STAG1: variants seen among roughly 807,000 people sequenced by gnomAD.
STAG1 encodes STAG1 cohesin complex component, also known as cohesin subunit SA-1.
STAG1 carries 26 observed loss-of-function variants against 170.9 expected under a neutral mutation model. The ratio of observed to expected loss-of-function variants is 0.15; its 90% CI spans 0.11 to 0.21. The LOEUF (loss-of-function observed/expected upper bound fraction) is 0.21. Among genes scored for constraint, STAG1 ranks in the 10% least tolerant of loss-of-function variants. STAG1 has a pLI of 1.00. For missense variants in STAG1, 964 were observed against 1,509.5 expected (o/e 0.64, Z 5.99); for synonymous variants, 514 against 497.7 (o/e 1.03, Z -0.44).
In STAG1 at chr3:136,474,101, T is replaced by C. The variant is rs116020151; in HGVS notation, c.1027-464A>G. On this transcript the variant is annotated intron_variant, in intron 10 of 33. Transcript: ENST00000383202. ...GGGACAGCAGTTAGCAAAACAGAAATAGCACAATGTTTAAAACAGAGGCAA... is the reference window on the plus strand; with the variant it reads ...GGGACAGCAGTTAGCAAAACAGAAACAGCACAATGTTTAAAACAGAGGCAA... Among the ~76,000 whole-genome samples the C allele has an allele frequency of 7.9e-3, 1,198 of 152,262 alleles. 13 individuals are homozygous for C. The highest frequency in any genetic ancestry group is 0.013 in the Non-Finnish European group (916 of 68,022).
rs561395018 is a variant in STAG1, at chr3:136,728,883, A to G, written c.-84+23312T>C. ...CTAAACCCTAAGTGTTTTTTAATCT[A>G]ATACTTTGACATGTAACAACAAAGA... On this transcript the variant is annotated intron_variant, in intron 1 of 33. Transcript: ENST00000383202. 2.0e-5 allele frequency among the ~76,000 whole-genome samples: 3 copies of G among 152,360 alleles called. No homozygotes were observed. The East Asian group carries it at 5.8e-4, about 29-fold the overall frequency.
At chr3:136,675,297 C>T (rs78454357) in intron 1 of STAG1, among the ~76,000 whole-genome samples, 1,665 of 152,250 alleles carry the variant, frequency 0.011, 14 homozygotes, top group Non-Finnish European at 0.018. Flanking sequence ...CTTCCCTGTC[C>T]TCTTGCTTCC....
chr3:136,631,269 A>G (rs1940318990), intron 1 of STAG1, among the ~76,000 whole-genome samples: 1 of 152,266 alleles, frequency 6.6e-6, no homozygotes, highest in Non-Finnish European at 1.5e-5. Flanking sequence ...AAGGCATGAA[A>G]GAACCTTAAA....
At chr3:136,596,474 T>G (rs1426209243) in intron 4 of STAG1, among the ~76,000 whole-genome samples, 1 of 152,204 alleles carries the variant, frequency 6.6e-6, no homozygotes, top group African/African-American at 2.4e-5. Flanking sequence ...AATATAACTT[T>G]TATATGTACT....
At chr3:136,357,954 T>G in intron 27 of STAG1, 106 bp from the exon 28 acceptor site, 1 of 892,442 alleles carries the variant, frequency 1.1e-6, no homozygotes, top group Non-Finnish European at 1.7e-6. Flanking sequence ...TCACAAAAGG[T>G]AGTAAAATCT....
intron 23 of STAG1, among the ~76,000 whole-genome samples, chr3:136,377,195 C>G (rs889919440): frequency 6.8e-6 from 1 of 147,986 alleles, no homozygotes. Context: ...GTCAGGAGAT[C>G]GAGACCATGG....
intron 7 of STAG1, among the ~76,000 whole-genome samples, chr3:136,506,206 G>A (rs1933751249): frequency 6.6e-6 from 1 of 152,176 alleles, no homozygotes; most frequent in South Asian, 2.1e-4. Context: ...AGGCAGAGCT[G>A]AAAATATTTT....
At chr3:136,625,528 A>G (rs1374501962) in intron 2 of STAG1, among the ~76,000 whole-genome samples, 1 of 152,228 alleles carries the variant, frequency 6.6e-6, no homozygotes, top group East Asian at 1.9e-4. Context: ...GATACAATTA[A>G]TTAACTGATT....
chr3:136,421,772 A>G (rs1419839671), intron 19 of STAG1, among the ~76,000 whole-genome samples: 1 of 152,200 alleles, frequency 6.6e-6, no homozygotes. Context: ...CGCTCTATTC[A>G]TTAGCATATC....
intron 6 of STAG1, among the ~76,000 whole-genome samples, chr3:136,534,105 T>C (rs1262725375): frequency 6.6e-6 from 1 of 152,108 alleles, no homozygotes; most frequent in Non-Finnish European, 1.5e-5. Flanking sequence ...TAAATCCACA[T>C]ATTTACAGCC....
intron 3 of STAG1, among the ~76,000 whole-genome samples, chr3:136,619,874 T>A (rs1939769223): frequency 6.6e-6 from 1 of 151,234 alleles, no homozygotes; most frequent in South Asian, 2.1e-4. Flanking sequence ...AAGACCAGCC[T>A]GGACAACATA....
chr3:136,661,919 T>C (rs1176309518), intron 1 of STAG1, among the ~76,000 whole-genome samples: 3 of 152,188 alleles, frequency 2.0e-5, no homozygotes, highest in Non-Finnish European at 4.4e-5. Context: ...AGCCAGCAAG[T>C]TGTGGAACCA....
chr3:136,603,158 T>C (rs552144792), intron 4 of STAG1, among the ~76,000 whole-genome samples: 2 of 152,162 alleles, frequency 1.3e-5, no homozygotes, highest in South Asian at 4.1e-4. Flanking sequence ...AAGTTGTCTG[T>C]TTTAGTTCTA....
intron 1 of STAG1, among the ~76,000 whole-genome samples, chr3:136,677,429 T>C (rs1942158777): frequency 6.6e-6 from 1 of 152,202 alleles, no homozygotes; most frequent in Non-Finnish European, 1.5e-5. Flanking sequence ...TTATATGACA[T>C]ATGACTATAT....
chr3:136,484,921 C>G (rs559850642), intron 9 of STAG1, among the ~76,000 whole-genome samples: 1 of 152,080 alleles, frequency 6.6e-6, no homozygotes, highest in African/African-American at 2.4e-5. Context: ...GGCAATGCCT[C>G]GCCCTGCTTC....
intron 22 of STAG1, among the ~76,000 whole-genome samples, chr3:136,389,366 G>A (rs1464125463): frequency 6.6e-6 from 1 of 152,138 alleles, no homozygotes; most frequent in African/African-American, 2.4e-5. Context: ...GTGGAGTGCA[G>A]TGGTGTGATC....
intron 23 of STAG1, among the ~76,000 whole-genome samples, chr3:136,376,114 A>G (rs1017547760): frequency 2.7e-5 from 4 of 149,914 alleles, no homozygotes; most frequent in Non-Finnish European, 3.0e-5. Context: ...GATTTAAAGA[A>G]TAAGGTTTAG....
intron 8 of STAG1, among the ~76,000 whole-genome samples, chr3:136,500,927 G>A (rs1446361775): frequency 6.6e-6 from 1 of 152,176 alleles, no homozygotes; most frequent in East Asian, 1.9e-4. Context: ...AACAACAACA[G>A]CACTGAATTA....
rs537842180 is a variant in STAG1 at position 136,531,761 on chromosome 3, G to C, written c.472-10344C>G. Reference sequence around the variant, plus strand: ...AATATCACACTCTGGGGACTGTTGTGGGGTGCGGGGAGGGGGGAGGGATAG... The same window carrying C: ...AATATCACACTCTGGGGACTGTTGTCGGGTGCGGGGAGGGGGGAGGGATAG... On this transcript the variant is annotated intron_variant, in intron 6 of 33. Coordinates refer to ENST00000383202, the MANE Select transcript of STAG1 (RefSeq NM_005862.3). Among the ~76,000 whole-genome samples the C allele has an allele frequency of 8.0e-3, 1,201 of 149,322 alleles. 12 individuals carry two copies. The highest frequency in any genetic ancestry group is 0.013 in the Non-Finnish European group (883 of 67,282).
Sources: allele counts gnomAD v4.1 joint callset (sites outside exome capture counted in the v4.1 genomes callset), GRCh38; gene constraint gnomAD v4.1.1; transcripts MANE v1.5; gene names NCBI Gene and HGNC (gene_info 2026-07-23, HGNC 2026-07-21).